CAPN14: variants seen among roughly 807,000 people sequenced by gnomAD.
CAPN14 encodes the protein calpain-14.
CAPN14 carries 94 observed loss-of-function variants against 101.3 expected under a neutral mutation model. That is an observed-to-expected ratio of 0.93 (90% CI 0.79 to 1.10). CAPN14 has a LOEUF of 1.10. Among genes scored for constraint, CAPN14 ranks in the 50% least tolerant of loss-of-function variants. CAPN14 has a pLI of 0.00. For synonymous variants in CAPN14, 338 were observed against 317.9 expected (o/e 1.06, Z -0.67); for missense variants, 837 against 828.4 (o/e 1.01, Z -0.13).
intron 1 of CAPN14, chr2:31,228,194 C>T (rs534894252): frequency 7.9e-5 from 12 of 152,398 alleles, no homozygotes; most frequent in African/African-American, 2.4e-4. Flanking sequence ...TCCCACTTCC[C>T]AATTCTTCTA....
chr2:31,202,923 C>T, intron 3 of CAPN14, 147 bp downstream of exon 3: 1 of 635,990 alleles, frequency 1.6e-6, no homozygotes, highest in South Asian at 2.0e-5. Flanking sequence ...CAGAACATGT[C>T]CAGGTAGCGT....
chr2:31,183,782 T>C (rs10192697), intron 16 of CAPN14, among the ~76,000 whole-genome samples: 50,319 of 151,250 alleles, frequency 0.33, 9,946 homozygotes, highest in African/African-American at 0.55. Context: ...CTTCTTCCCT[T>C]CTTCCCTCCT....
rs1181722700 is a variant in CAPN14, at chr2:31,197,322, G to C, written c.802C>G (p.His268Asp). 9 of 1,550,272 alleles carry C rather than the reference G, an allele frequency of 5.8e-6. No homozygotes were observed. Among genetic ancestry groups the C allele is most frequent in the Non-Finnish European group, 7.9e-6 (9 of 1,145,498 alleles). Residue 268 changes from histidine (H) to aspartate (D), a missense_variant, in exon 8 of 22, where the codon CAT (histidine) becomes GAT (aspartate). Transcript: ENST00000403897. The stretch of plus-strand genomic sequence containing the variant: ...AGCTTGACGAGATATTCAGGTCTAT[G>C]TTTGCAGGTCACCTGCATAAAATGA... ...LTGIRKVTCK[H>D]RPEYLVKLRN... is the part of the protein sequence containing the mutation.
intron 1 of CAPN14, among the ~76,000 whole-genome samples, chr2:31,232,756 G>T (rs1051003319): frequency 1.3e-5 from 2 of 152,146 alleles, no homozygotes; most frequent in Non-Finnish European, 2.9e-5. Flanking sequence ...GGATTATGGG[G>T]ATTACAATTA....
At chr2:31,205,549 G>T in intron 1 of CAPN14, 50 bp from the exon 2 acceptor site, 1 of 946,634 alleles carries the variant, frequency 1.1e-6, no homozygotes, top group Non-Finnish European at 1.6e-6. Context: ...CTTGTGCTTT[G>T]CCATTGCCAC....
chr2:31,205,305 C>G lies in CAPN14; in HGVS notation c.143G>C (p.Ser48Thr). ...LRNGCLFEDT[S>T]FPATLSSIGS... ...GATGGAGCTCAGGGTGGCCGGGAAG[C>G]TGGTGTCTTCAAAGAGGCAGCCATT... Residue 48 changes from serine (S) to threonine (T), a missense_variant, in exon 2 of 22, where the codon AGC becomes ACC. By Grantham distance (58) the Ser-to-Thr change is moderately conservative. Coordinates refer to ENST00000403897, the MANE Select transcript of CAPN14 (RefSeq NM_001145122.2). 6.4e-7 allele frequency: 1 copy of G among 1,550,702 alleles called. No individual in the cohort carries two copies. The highest frequency in any genetic ancestry group is 8.7e-7 in the Non-Finnish European group (1 of 1,146,964).
At position 31,193,552 on chromosome 2, in the gene CAPN14, C is replaced by A. The variant is rs6543616; in HGVS notation, c.951-258G>T. On this transcript the variant is annotated intron_variant, in intron 9 of 21. Coordinates refer to ENST00000403897, the MANE Select transcript of CAPN14 (RefSeq NM_001145122.2). ...GGAAGCAGCCGGCCACATGGCTGAC[C>A]GGGGGAGATGTTCCAGTTTCTGGAA... Among the ~76,000 whole-genome samples, 91 of 152,202 alleles carry A rather than the reference C, an allele frequency of 6.0e-4. No homozygotes were observed. In the East Asian group the frequency reaches 0.017, roughly 29 times the overall value.
At chr2:31,207,029 A>G in intron 1 of CAPN14, among the ~76,000 whole-genome samples, 1 of 152,174 alleles carries the variant, frequency 6.6e-6, no homozygotes, top group East Asian at 1.9e-4. Flanking sequence ...TGTATCCAGA[A>G]CCCAGAGCCC....
At chr2:31,192,146 A>G (rs773999233) in intron 10 of CAPN14, 48 bp from the exon 11 acceptor site, 2 of 1,490,784 alleles carry the variant, frequency 1.3e-6, no homozygotes, top group South Asian at 1.3e-5. Context: ...ATCCCCATGC[A>G]TCCTGCTTGC....
In CAPN14 at chr2:31,189,447, T is replaced by A; in HGVS notation, c.1319A>T (p.Glu440Val). Residue 440 changes from glutamate (E) to valine (V), a missense_variant, in exon 13 of 22, where the codon GAG becomes GTG. Glu to Val is a moderately radical substitution (Grantham distance 121, BLOSUM62 -2). Transcript: ENST00000403897. ...YHDDQRRLPP[E>V]FFQRNTPLSQ... is the part of the protein sequence containing the mutation. The stretch of plus-strand genomic sequence containing the variant: ...CAGAGGAGTGTTTCTCTGGAAGAAC[T>A]CAGGGGGCAGTCTCCTCTGGTCATC... 6.4e-7 allele frequency: 1 copy of A among 1,551,626 alleles called. No homozygotes were observed. Among genetic ancestry groups the A allele is most frequent in the Non-Finnish European group, 8.7e-7 (1 of 1,146,972 alleles).
chr2:31,193,583 G>A (rs1036054077), intron 9 of CAPN14, among the ~76,000 whole-genome samples: 1 of 152,216 alleles, frequency 6.6e-6, no homozygotes, highest in Non-Finnish European at 1.5e-5. Context: ...TGGAATCATG[G>A]TGATAGCAGC....
At chr2:31,216,664 A>G (rs1682656773) in intron 1 of CAPN14, among the ~76,000 whole-genome samples, 1 of 152,104 alleles carries the variant, frequency 6.6e-6, no homozygotes, top group African/African-American at 2.4e-5. Flanking sequence ...TGAAACACTT[A>G]GGTACCACCC....
At chr2:31,192,568 G>A (rs1190961411) in intron 10 of CAPN14, among the ~76,000 whole-genome samples, 1 of 152,140 alleles carries the variant, frequency 6.6e-6, no homozygotes, top group Non-Finnish European at 1.5e-5. Flanking sequence ...CACAGGCCTT[G>A]CCTTCAAAAG....
At chr2:31,208,533 C>CA (rs1682221836) in intron 1 of CAPN14, among the ~76,000 whole-genome samples, 1 of 152,196 alleles carries the variant, frequency 6.6e-6, no homozygotes, top group Non-Finnish European at 1.5e-5. Context: ...TCACAGGTTC[C>CA]TCTCACCCTC....
At chr2:31,179,234 C>A (rs7567330) in intron 17 of CAPN14, among the ~76,000 whole-genome samples, 3 of 151,354 alleles carry the variant, frequency 2.0e-5, no homozygotes, top group East Asian at 3.9e-4. Flanking sequence ...CCCCCACCCC[C>A]TGACAGGTCC....
upstream of CAPN14, among the ~76,000 whole-genome samples, chr2:31,219,193 C>T (rs1053130953): frequency 4.7e-5 from 7 of 150,526 alleles, no homozygotes; most frequent in Non-Finnish European, 1.0e-4. Context: ...TGCGGATTCA[C>T]AGAGCCACCG....
chr2:31,208,144 C>A (rs1437657424), intron 1 of CAPN14, among the ~76,000 whole-genome samples: 2 of 151,570 alleles, frequency 1.3e-5, no homozygotes, highest in Non-Finnish European at 2.9e-5. Context: ...TTACTCAGGT[C>A]TTTTATTTTT....
At chr2:31,175,101 C>A (rs1286244685) in intron 21 of CAPN14, among the ~76,000 whole-genome samples, 1 of 152,150 alleles carries the variant, frequency 6.6e-6, no homozygotes, top group Non-Finnish European at 1.5e-5. Flanking sequence ...TGATGAACAA[C>A]CCCTCTAACT....
At position 31,205,316 on chromosome 2, in the gene CAPN14, A is replaced by T; in HGVS notation, c.132T>A (p.Phe44Leu). 6.4e-7 allele frequency: 1 copy of T among 1,550,946 alleles called. No individual in the cohort carries two copies. Among genetic ancestry groups the T allele is most frequent in the Non-Finnish European group, 8.7e-7 (1 of 1,146,974 alleles). ...LAECLRNGCLFEDTSFPATLS... is the reference protein window; with the variant it reads ...LAECLRNGCLLEDTSFPATLS... ...GGGTGGCCGGGAAGCTGGTGTCTTC[A>T]AAGAGGCAGCCATTCCTCAGGCACT... is the stretch of plus-strand genomic sequence containing the variant. Residue 44 changes from phenylalanine to leucine, a missense_variant, in exon 2 of 22, where the codon TTT becomes TTA. By Grantham distance (22) the Phe-to-Leu change is conservative (BLOSUM62 0). Transcript: ENST00000403897.
Sources: allele counts gnomAD v4.1 joint callset (sites outside exome capture counted in the v4.1 genomes callset), GRCh38; gene constraint gnomAD v4.1.1; transcripts MANE v1.5; gene names NCBI Gene and HGNC (gene_info 2026-07-23, HGNC 2026-07-21).